The following PHYHIPL variants were observed in gnomAD, a reference collection of about 807,000 sequenced individuals.
PHYHIPL encodes the protein phytanoyl-CoA hydroxylase-interacting protein-like.
A neutral mutation model predicts 33.4 loss-of-function variants in PHYHIPL; 9 were observed. The ratio of observed to expected loss-of-function variants is 0.27; its 90% CI spans 0.16 to 0.47. The LOEUF (loss-of-function observed/expected upper bound fraction) is 0.47. PHYHIPL is among the 20% of genes least tolerant of loss of function. PHYHIPL has a pLI of 0.99. For synonymous variants in PHYHIPL, 153 were observed against 154.1 expected, an observed-to-expected ratio of 0.99 and a Z score of 0.05; for missense variants, 365 against 460.7, an observed-to-expected ratio of 0.79 and a Z score of 1.90.
intron 1 of PHYHIPL, among the ~76,000 whole-genome samples, chr10:59,188,436 T>C (rs549464005): frequency 2.8e-4 from 42 of 152,320 alleles, no homozygotes; most frequent in Admixed American, 6.5e-4. Context: ...AAAGAATGTA[T>C]ATTCTGTTGA....
chr10:59,177,704 A>C, intron 1 of PHYHIPL: 2 of 1,455,580 alleles, frequency 1.4e-6, no homozygotes, highest in Non-Finnish European at 1.9e-6. Context: ...GATTGAATAC[A>C]GGTCTGAGCG....
intron 1 of PHYHIPL, among the ~76,000 whole-genome samples, chr10:59,179,913 A>C (rs900142429): frequency 6.7e-6 from 1 of 149,646 alleles, no homozygotes; most frequent in African/African-American, 2.5e-5. Flanking sequence ...TTCCCTAGGC[A>C]TGTGTACTTT....
intron 1 of PHYHIPL, among the ~76,000 whole-genome samples, chr10:59,211,007 C>T (rs1392516311): frequency 3.3e-5 from 5 of 151,712 alleles, no homozygotes; most frequent in African/African-American, 9.7e-5. Flanking sequence ...CAGTGTATAC[C>T]TATGTAACAA....
chr10:59,203,507 G>A (rs2133223071), intron 1 of PHYHIPL, among the ~76,000 whole-genome samples: 1 of 152,148 alleles, frequency 6.6e-6, no homozygotes, highest in South Asian at 2.1e-4. Context: ...GCAAAGACTT[G>A]GAACCAACCC....
chr10:59,207,909 G>T (rs1330409905), intron 1 of PHYHIPL, among the ~76,000 whole-genome samples: 3 of 151,708 alleles, frequency 2.0e-5, no homozygotes, highest in Admixed American at 1.3e-4. Context: ...AAAAAAAAGG[G>T]CAGCAGCCCC....
intron 1 of PHYHIPL, among the ~76,000 whole-genome samples, chr10:59,207,550 AGACTACCTCTCT>A (rs1839321028): frequency 6.6e-6 from 1 of 152,204 alleles, no homozygotes; most frequent in Admixed American, 6.5e-5. Context: ...CGCTGTAGCC[AGACTACCTCTCT>A]AGATTCCTCC....
chr10:59,201,797 A>G (rs1839126741), intron 1 of PHYHIPL, among the ~76,000 whole-genome samples: 1 of 152,178 alleles, frequency 6.6e-6, no homozygotes, highest in Non-Finnish European at 1.5e-5. Context: ...AAAATATTAC[A>G]GGTGAATCTG....
chr10:59,235,607 A>G (rs985622773), intron 2 of PHYHIPL, among the ~76,000 whole-genome samples: 2 of 151,796 alleles, frequency 1.3e-5, no homozygotes, highest in African/African-American at 4.8e-5. Context: ...TCTGAGTTCC[A>G]GTTCTGATTA....
chr10:59,245,457 A>C lies in PHYHIPL; in HGVS notation c.997A>C (p.Ile333Leu). The change falls in exon 5 of 5, where the codon ATT becomes CTT. Residue 333 changes from isoleucine (I) to leucine (L), a missense_variant. Physicochemically the swap from Ile to Leu is conservative, Grantham distance 5 (BLOSUM62 2). Coordinates refer to ENST00000373880, the MANE Select transcript of PHYHIPL (RefSeq NM_032439.4). ...TGCCCAGGATGTCATTTTAGAAGTC[A>C]TTTACACTGACCCTGTGGATCTTTC... ...HHAQDVILEV[I>L]YTDPVDLSVG... The C allele has an allele frequency of 6.2e-7, 1 of 1,614,166 alleles. No homozygotes were observed. The highest frequency in any genetic ancestry group is 8.5e-7 in the Non-Finnish European group (1 of 1,180,020).
Position 59,223,802 on chromosome 10 carries a change from GGT to G in PHYHIPL, c.107-10500_107-10499del, listed in dbSNP as rs1839843789. On this transcript the variant is annotated intron_variant, in intron 1 of 4. Coordinates refer to ENST00000373880, the MANE Select transcript of PHYHIPL (RefSeq NM_032439.4). ...AGCCTCCCAAGTAGCTGAGACTAGG[GGT>G]GCATGCCACCACACCCAGCTAATTT... 2.6e-5 allele frequency among the ~76,000 whole-genome samples: 4 copies of G among 152,016 alleles called. No homozygotes were observed. In the South Asian group the frequency reaches 8.3e-4, roughly 32 times the overall value.
At chr10:59,211,115 G>A (rs1467929248) in intron 1 of PHYHIPL, among the ~76,000 whole-genome samples, 1 of 152,030 alleles carries the variant, frequency 6.6e-6, no homozygotes, top group Non-Finnish European at 1.5e-5. Context: ...ATGCCTGCCT[G>A]TAATCCCTGT....
chr10:59,209,182 G>A (rs1352503321), intron 1 of PHYHIPL, among the ~76,000 whole-genome samples: 1 of 152,142 alleles, frequency 6.6e-6, no homozygotes, highest in Non-Finnish European at 1.5e-5. Flanking sequence ...CAGAGAGAAA[G>A]GTTGGGTTAC....
chr10:59,203,597 A>T (rs1839192390), intron 1 of PHYHIPL, among the ~76,000 whole-genome samples: 1 of 152,090 alleles, frequency 6.6e-6, no homozygotes, highest in African/African-American at 2.4e-5. Flanking sequence ...ATAAAAAATG[A>T]TGAGTTCATG....
chr10:59,234,518 C>G lies in PHYHIPL; in HGVS notation c.303+18C>G. 1.3e-6 allele frequency: 2 copies of G among 1,490,308 alleles called. No homozygotes were observed. The highest frequency in any genetic ancestry group is 1.8e-6 in the Non-Finnish European group (2 of 1,118,098). The allele number at this position is 1,490,308 out of a possible 1,614,324, so 92.3% of individuals were successfully genotyped here. ...AACACAAGGTAAAATCTAACAAATACTCATGCTAATTTGCATCTTAAAACT... is the reference window on the plus strand; with the variant it reads ...AACACAAGGTAAAATCTAACAAATAGTCATGCTAATTTGCATCTTAAAACT... On this transcript the variant is annotated intron_variant, in intron 2 of 4. Coordinates refer to ENST00000373880, the MANE Select transcript of PHYHIPL (RefSeq NM_032439.4).
At chr10:59,213,676 C>T (rs1839529850) in intron 1 of PHYHIPL, among the ~76,000 whole-genome samples, 1 of 152,200 alleles carries the variant, frequency 6.6e-6, no homozygotes. Context: ...TTTGGGAATG[C>T]CCACTATTGA....
intron 1 of PHYHIPL, among the ~76,000 whole-genome samples, chr10:59,211,701 A>G (rs1477031748): frequency 6.7e-6 from 1 of 150,212 alleles, no homozygotes; most frequent in African/African-American, 2.4e-5. Context: ...GGTATTACAA[A>G]TAGTTCCTTT....
intron 1 of PHYHIPL, among the ~76,000 whole-genome samples, chr10:59,187,277 C>T (rs931820754): frequency 2.6e-5 from 4 of 152,128 alleles, no homozygotes; most frequent in South Asian, 2.1e-4. Context: ...TATTGATTTG[C>T]GTATGTTGAA....
Position 59,245,289 on chromosome 10 carries a change from G to A in PHYHIPL, c.829G>A (p.Ala277Thr), listed in dbSNP as rs1840615892. The A allele has an allele frequency of 6.2e-7, 1 of 1,614,112 alleles. No homozygotes were observed. The highest frequency in any genetic ancestry group is 1.7e-5 in the Admixed American group (1 of 60,018). ...TGGGGACTTCTACTGTATGTACACT[G>A]CTTATCATTATGTGATTCTTGTTAT... ...YFGDFYCMYTAYHYVILVIAP... is the reference protein window; with the variant it reads ...YFGDFYCMYTTYHYVILVIAP... The change falls in exon 5 of 5, where the codon GCT becomes ACT. Residue 277 changes from alanine to threonine, a missense_variant. Physicochemically the swap from Ala to Thr is moderately conservative, Grantham distance 58. Around this residue, in one of 4 missense-constraint regions of PHYHIPL, gnomAD observed 196 missense variants for 224.9 expected, o/e 0.87. Coordinates refer to ENST00000373880, the MANE Select transcript of PHYHIPL (RefSeq NM_032439.4).
intron 4 of PHYHIPL, among the ~76,000 whole-genome samples, chr10:59,239,740 G>T (rs1191653950): frequency 2.6e-5 from 4 of 151,936 alleles, no homozygotes; most frequent in Non-Finnish European, 5.9e-5. Flanking sequence ...ATAGCCAGAT[G>T]TCTGTTTTGT....
Sources: gnomAD v4.1 joint callset for allele counts (sites outside exome capture counted in the v4.1 genomes callset) on GRCh38, gnomAD v4.1.1 for gene constraint, gnomAD v4.1.1 regional missense constraint, MANE v1.5 for transcripts, NCBI Gene and HGNC (gene_info 2026-07-23, HGNC 2026-07-21) for gene names.